The following RSPO2 variants were observed in gnomAD, a reference collection of about 807,000 sequenced individuals.
RSPO2 encodes R-spondin-2.
A neutral mutation model predicts 30.9 loss-of-function variants in RSPO2; 14 were observed. The observed-to-expected ratio is 0.45, with a 90% CI of 0.30 to 0.71. RSPO2 has a LOEUF of 0.71. Ranked by LOEUF, RSPO2 falls within the 30% of genes least tolerant of loss-of-function variation. The pLI, the probability that RSPO2 is intolerant of heterozygous loss-of-function variation, is 0.08. For missense variants in RSPO2, 264 were observed against 301.9 expected (o/e 0.87, Z 0.93); for synonymous variants, 107 against 96.4 (o/e 1.11, Z -0.64).
intron 2 of RSPO2, among the ~76,000 whole-genome samples, chr8:108,030,486 G>A (rs1811385484): frequency 6.6e-6 from 1 of 152,230 alleles, no homozygotes; most frequent in African/African-American, 2.4e-5. Flanking sequence ...GGATGCCCAG[G>A]CAAGGGAGGA....
intron 2 of RSPO2, among the ~76,000 whole-genome samples, chr8:108,047,100 CA>C (rs1276873711): frequency 6.6e-6 from 1 of 152,178 alleles, no homozygotes; most frequent in Non-Finnish European, 1.5e-5. Context: ...GCCAGAAAGC[CA>C]TTTCCTTGCC....
intron 5 of RSPO2, among the ~76,000 whole-genome samples, chr8:107,903,303 AAT>A: frequency 6.6e-6 from 1 of 152,248 alleles, no homozygotes; most frequent in East Asian, 1.9e-4. Flanking sequence ...TTTAATACTG[AAT>A]ATATGTTAAA....
At chr8:108,009,094 T>G (rs1810605492) in intron 2 of RSPO2, among the ~76,000 whole-genome samples, 1 of 152,180 alleles carries the variant, frequency 6.6e-6, no homozygotes, top group Non-Finnish European at 1.5e-5. Context: ...TTTAAGGGAC[T>G]GATGATTTTA....
intron 2 of RSPO2, among the ~76,000 whole-genome samples, chr8:108,046,384 T>C (rs529768627): frequency 1.5e-3 from 222 of 152,282 alleles, no homozygotes; most frequent in African/African-American, 5.2e-3. Flanking sequence ...CAAGTACTTC[T>C]TTTAGACTAT....
intron 2 of RSPO2, among the ~76,000 whole-genome samples, chr8:108,061,095 G>A (rs570259248): frequency 6.6e-6 from 1 of 151,956 alleles, no homozygotes; most frequent in Non-Finnish European, 1.5e-5. Flanking sequence ...AAATTGTAAA[G>A]ACCATTGAGG....
chr8:107,921,693 G>A (rs537489304), intron 5 of RSPO2, among the ~76,000 whole-genome samples: 143 of 152,006 alleles, frequency 9.4e-4, no homozygotes, highest in African/African-American at 3.2e-3. Context: ...GAACATTGAT[G>A]CAAAAATCCT....
At chr8:108,081,911 G>A in intron 2 of RSPO2, 1 of 985,376 alleles carries the variant, frequency 1.0e-6, no homozygotes, top group African/African-American at 1.7e-5. Flanking sequence ...GGGAATTGCT[G>A]CTTAATTCAG....
chr8:108,039,950 T>G (rs1811702868), intron 2 of RSPO2, among the ~76,000 whole-genome samples: 2 of 152,080 alleles, frequency 1.3e-5, no homozygotes. Flanking sequence ...AAGTTGGCAG[T>G]CTACAAACCA....
At chr8:108,063,966 G>A (rs1812568995) in intron 2 of RSPO2, among the ~76,000 whole-genome samples, 1 of 152,150 alleles carries the variant, frequency 6.6e-6, no homozygotes, top group South Asian at 2.1e-4. Context: ...TGGGAAAACT[G>A]GCTAGCCATA....
At chr8:107,921,618 CA>C (rs1188987047) in intron 5 of RSPO2, among the ~76,000 whole-genome samples, 6 of 151,946 alleles carry the variant, frequency 3.9e-5, no homozygotes, top group African/African-American at 1.5e-4. Context: ...TCTATGGGGC[CA>C]GCACCATCCT....
At chr8:108,064,668 A>C (rs1452871679) in intron 2 of RSPO2, among the ~76,000 whole-genome samples, 6 of 152,178 alleles carry the variant, frequency 3.9e-5, no homozygotes, top group Admixed American at 2.6e-4. Context: ...CCATCTCATT[A>C]CTGGGTATAT....
chr8:107,939,147 G>A (rs1206075896), intron 5 of RSPO2, among the ~76,000 whole-genome samples: 1 of 151,888 alleles, frequency 6.6e-6, no homozygotes, highest in Non-Finnish European at 1.5e-5. Flanking sequence ...CTCCGGCCAA[G>A]TCTAAACAAA....
At chr8:107,904,239 G>C (rs960938899) in intron 5 of RSPO2, among the ~76,000 whole-genome samples, 1 of 151,758 alleles carries the variant, frequency 6.6e-6, no homozygotes, top group Non-Finnish European at 1.5e-5. Flanking sequence ...ATGCTATACG[G>C]GAAGTATTTA....
At chr8:108,080,574 T>C (rs1250289319) in intron 2 of RSPO2, among the ~76,000 whole-genome samples, 1 of 152,192 alleles carries the variant, frequency 6.6e-6, no homozygotes, top group Admixed American at 6.5e-5. Flanking sequence ...GGCAGATTCT[T>C]AGAGATGGCA....
At chr8:107,922,713 G>C (rs1446725095) in intron 5 of RSPO2, among the ~76,000 whole-genome samples, 1 of 151,898 alleles carries the variant, frequency 6.6e-6, no homozygotes, top group Non-Finnish European at 1.5e-5. Flanking sequence ...TATACTACGG[G>C]GCTGCAAACA....
At chr8:107,989,702 A>G (rs2130526465) in intron 2 of RSPO2, 1 of 153,494 alleles carries the variant, frequency 6.5e-6, no homozygotes, top group South Asian at 2.1e-4. Context: ...AAGAGAAAAT[A>G]TAATTCATGA....
chr8:108,003,658 CA>C (rs1438599755), intron 2 of RSPO2, among the ~76,000 whole-genome samples: 1 of 151,646 alleles, frequency 6.6e-6, no homozygotes, highest in African/African-American at 2.4e-5. Context: ...ACAGCAAAGT[CA>C]AAATAAGGGT....
intron 2 of RSPO2, among the ~76,000 whole-genome samples, chr8:108,038,623 T>TTA (rs1811663627): frequency 6.6e-6 from 1 of 152,072 alleles, no homozygotes; most frequent in Non-Finnish European, 1.5e-5. Flanking sequence ...TGTCTTCTTT[T>TTA]AAAAAAACTG....
intron 2 of RSPO2, among the ~76,000 whole-genome samples, chr8:108,076,411 C>G (rs543675230): frequency 5.3e-5 from 8 of 151,994 alleles, no homozygotes; most frequent in Non-Finnish European, 1.2e-4. Flanking sequence ...AGGGATGGAG[C>G]ATCATAAGTG....
Sources: allele counts gnomAD v4.1 joint callset (sites outside exome capture counted in the v4.1 genomes callset), GRCh38; gene constraint gnomAD v4.1.1; transcripts MANE v1.5; gene names NCBI Gene and HGNC (gene_info 2026-07-23, HGNC 2026-07-21).